Variants in CNTNAP5 observed in about 807,000 individuals in gnomAD.
CNTNAP5 encodes the protein contactin associated protein family member 5.
In CNTNAP5, 72 loss-of-function variants were observed where a neutral mutation model predicts 150.2. The observed-to-expected ratio is 0.48, with a 90% CI of 0.40 to 0.58. The LOEUF is 0.58. Ranked by LOEUF, CNTNAP5 falls within the 20% of genes least tolerant of loss-of-function variation. The pLI, the probability that CNTNAP5 is intolerant of heterozygous loss-of-function variation, is 0.00. For missense variants in CNTNAP5, 1,636 were observed against 1,626.2 expected, an observed-to-expected ratio of 1.01 and a Z score of -0.10; for synonymous variants, 672 against 619.8, an observed-to-expected ratio of 1.08 and a Z score of -1.25.
chr2:124,766,597 T>C (rs2104603913), intron 16 of CNTNAP5, among the ~76,000 whole-genome samples: 1 of 152,278 alleles, frequency 6.6e-6, no homozygotes, highest in South Asian at 2.1e-4. Context: ...GTGGCTTTGG[T>C]GTGAAACAAG....
rs112085407 is a variant in CNTNAP5 at position 124,695,992 on chromosome 2, G to A, written c.2077+48034G>A. ...TGAAGTAATTTTCTCAAAATCACTT[G>A]TCTGTTAAGAGGTGGAGTCAGAATG... On this transcript the variant is annotated intron_variant, in intron 13 of 23. Coordinates refer to ENST00000682447, the MANE Select transcript of CNTNAP5 (RefSeq NM_001367498.1). Among the ~76,000 whole-genome samples the A allele has an allele frequency of 1.3e-4, 20 of 152,288 alleles. 1 individual carries two copies. The highest frequency in any genetic ancestry group is 4.6e-4 in the African/African-American group (19 of 41,574).
At chr2:124,045,040 C>A (rs1034259400) in intron 1 of CNTNAP5, among the ~76,000 whole-genome samples, 1 of 151,920 alleles carries the variant, frequency 6.6e-6, no homozygotes, top group Non-Finnish European at 1.5e-5. Flanking sequence ...GAGTAGAATA[C>A]AAAATTTCAG....
In CNTNAP5 at chr2:124,413,471, G is replaced by A. The variant is rs1249889773; in HGVS notation, c.382-3972G>A. ...GCATTATTCACAATAGCAAAGACTT[G>A]GAACCAACCCAAATGTCCAACAATG... On this transcript the variant is annotated intron_variant, in intron 3 of 23. Transcript: ENST00000682447. 3.0e-5 allele frequency among the ~76,000 whole-genome samples: 4 copies of A among 133,064 alleles called. No individual in the cohort carries two copies. In the East Asian group the frequency reaches 6.6e-4, roughly 22 times the overall value. 87.3% of individuals were successfully genotyped at this position (133,064 alleles called of 152,430 possible).
At chr2:124,735,179 T>C (rs1159512542) in intron 13 of CNTNAP5, among the ~76,000 whole-genome samples, 1 of 152,050 alleles carries the variant, frequency 6.6e-6, no homozygotes, top group Non-Finnish European at 1.5e-5. Context: ...TGACTGCCCA[T>C]CCAAAAAACA....
intron 22 of CNTNAP5, among the ~76,000 whole-genome samples, chr2:124,906,537 T>C (rs774298092): frequency 6.6e-6 from 1 of 152,100 alleles, no homozygotes; most frequent in Non-Finnish European, 1.5e-5. Context: ...GATGTGTTAG[T>C]AGGAAGATAA....
chr2:124,459,988 C>T (rs1693209674), intron 6 of CNTNAP5, among the ~76,000 whole-genome samples: 1 of 152,082 alleles, frequency 6.6e-6, no homozygotes, highest in African/African-American at 2.4e-5. Flanking sequence ...TTAGGCTCAC[C>T]TTATGTATTG....
chr2:124,694,824 A>G (rs1008827711), intron 13 of CNTNAP5, among the ~76,000 whole-genome samples: 4 of 152,210 alleles, frequency 2.6e-5, no homozygotes, highest in African/African-American at 7.2e-5. Context: ...ACAATTGTTG[A>G]AAGCATATAA....
At chr2:124,538,743 T>C (rs886126337) in intron 10 of CNTNAP5, among the ~76,000 whole-genome samples, 1 of 152,090 alleles carries the variant, frequency 6.6e-6, no homozygotes, top group Non-Finnish European at 1.5e-5. Flanking sequence ...AGAGGAGACT[T>C]TTTATCTAGA....
At chr2:124,873,119 C>T (rs1204692250) in intron 21 of CNTNAP5, among the ~76,000 whole-genome samples, 1 of 152,084 alleles carries the variant, frequency 6.6e-6, no homozygotes, top group Non-Finnish European at 1.5e-5. Context: ...ATCTGCTCAG[C>T]TTCTGGAAAG....
At chr2:124,249,967 G>A (rs1330591728) in intron 3 of CNTNAP5, among the ~76,000 whole-genome samples, 2 of 74,230 alleles carry the variant, frequency 2.7e-5, no homozygotes, top group Non-Finnish European at 5.7e-5. Flanking sequence ...TCTTTTGTGT[G>A]TGTGTGTGTG....
At chr2:124,903,852 G>A (rs940434811) in intron 22 of CNTNAP5, among the ~76,000 whole-genome samples, 3 of 149,392 alleles carry the variant, frequency 2.0e-5, no homozygotes, top group Admixed American at 6.6e-5. Context: ...TCAGGAGTTC[G>A]AGACCAGTCT....
chr2:124,786,352 G>GGAAGAAAGAGAGAAAGA (rs1681572623), intron 17 of CNTNAP5, among the ~76,000 whole-genome samples: 2 of 59,156 alleles, frequency 3.4e-5, no homozygotes, highest in African/African-American at 1.5e-4. Flanking sequence ...AGAAAGAAAG[G>GGAAGAAAGAGAGAAAGA]AAGAAAGAAA....
intron 1 of CNTNAP5, among the ~76,000 whole-genome samples, chr2:124,063,594 C>G (rs750132211): frequency 6.6e-6 from 1 of 152,092 alleles, no homozygotes; most frequent in Non-Finnish European, 1.5e-5. Context: ...ACATCCAGGA[C>G]GCAACACGTA....
intron 3 of CNTNAP5, among the ~76,000 whole-genome samples, chr2:124,294,334 A>C (rs58719610): frequency 0.014 from 2,107 of 152,320 alleles, 37 homozygotes; most frequent in African/African-American, 0.042. Flanking sequence ...AATGAGAAGT[A>C]TTATAAAATA....
At chr2:124,175,715 AG>A (rs1480026103) in intron 1 of CNTNAP5, among the ~76,000 whole-genome samples, 5 of 152,216 alleles carry the variant, frequency 3.3e-5, no homozygotes, top group African/African-American at 4.8e-5. Context: ...AATTTGCTTA[AG>A]ATGATGGCTT....
chr2:124,074,914 A>G (rs530547777), intron 1 of CNTNAP5, among the ~76,000 whole-genome samples: 8 of 152,132 alleles, frequency 5.3e-5, no homozygotes, highest in Non-Finnish European at 1.0e-4. Context: ...GCATGGTGCT[A>G]TTCCATTTTA....
chr2:124,166,055 C>T (rs973344288), intron 1 of CNTNAP5, among the ~76,000 whole-genome samples: 10 of 152,094 alleles, frequency 6.6e-5, no homozygotes, highest in Non-Finnish European at 1.0e-4. Flanking sequence ...TCATCTAGAC[C>T]TGGAGACTCT....
In CNTNAP5 at chr2:124,334,879, G is replaced by A. The variant is rs138761046; in HGVS notation, c.382-82564G>A. The stretch of plus-strand genomic sequence containing the variant: ...TTAAAGAATATATTGTCTGGTTATC[G>A]ACAATTAGGATCTCCGATGGTACAT... On this transcript the variant is annotated intron_variant, in intron 3 of 23. Transcript: ENST00000682447. 3.1e-4 allele frequency among the ~76,000 whole-genome samples: 47 copies of A among 151,652 alleles called. No individual in the cohort carries two copies. The East Asian group carries it at 8.4e-3, about 27-fold the overall frequency.
intron 3 of CNTNAP5, among the ~76,000 whole-genome samples, chr2:124,269,096 C>T (rs372465096): frequency 3.2e-4 from 48 of 152,170 alleles, no homozygotes; most frequent in African/African-American, 1.1e-3. Context: ...AATACTACCA[C>T]CTGGGCATTG....
Sources: gnomAD v4.1 joint callset for allele counts (sites outside exome capture counted in the v4.1 genomes callset) on GRCh38, gnomAD v4.1.1 for gene constraint, MANE v1.5 for transcripts, NCBI Gene and HGNC (gene_info 2026-07-23, HGNC 2026-07-21) for gene names.